Variants in SAMD7 observed in about 807,000 individuals in gnomAD.
SAMD7 encodes the protein sterile alpha motif domain-containing protein 7.
A neutral mutation model predicts 36.7 loss-of-function variants in SAMD7; 34 were observed. The observed-to-expected ratio is 0.93, with a 90% CI of 0.71 to 1.23. The LOEUF (loss-of-function observed/expected upper bound fraction) is 1.23, where lower values mean the gene tolerates loss of function less well. Ranked by LOEUF, SAMD7 falls within the 50% of genes most tolerant of loss-of-function variation. The pLI is 0.00. For missense variants in SAMD7, 570 were observed against 546.6 expected, an observed-to-expected ratio of 1.04 and a Z score of -0.43; for synonymous variants, 188 against 189.7, an observed-to-expected ratio of 0.99 and a Z score of 0.07.
chr3:169,918,163 C>T lies in SAMD7; in HGVS notation c.-41-1295C>T, dbSNP rs576989169. On this transcript the variant is annotated intron_variant, in intron 2 of 8. Transcript: ENST00000335556. Reference sequence around the variant, plus strand: ...ATGTTGGCCAGGTTCGTCTTGAACTCCTGACCTCAAACGATCCGCCTGCCT... The same window carrying T: ...ATGTTGGCCAGGTTCGTCTTGAACTTCTGACCTCAAACGATCCGCCTGCCT... Among the ~76,000 whole-genome samples the T allele has an allele frequency of 2.6e-4, 39 of 152,130 alleles. 1 individual carries two copies. The highest frequency in any genetic ancestry group is 2.5e-3 in the South Asian group (12 of 4,818).
chr3:169,927,844 C>A (rs952770938), intron 6 of SAMD7, among the ~76,000 whole-genome samples: 1 of 152,134 alleles, frequency 6.6e-6, no homozygotes, highest in Non-Finnish European at 1.5e-5. Context: ...AGTGTGAATT[C>A]TATCTCCCTG....
At chr3:169,930,516 G>A (rs1339666253) in intron 7 of SAMD7, among the ~76,000 whole-genome samples, 1 of 151,686 alleles carries the variant, frequency 6.6e-6, no homozygotes, top group African/African-American at 2.4e-5. Context: ...ACTCTCACAA[G>A]GACGCTTGTC....
chr3:169,936,704 A>G (rs192880180), intron 8 of SAMD7, among the ~76,000 whole-genome samples: 1 of 152,302 alleles, frequency 6.6e-6, no homozygotes, highest in East Asian at 1.9e-4. Flanking sequence ...TCTCTTTGAA[A>G]AAAAATGAGC....
intron 4 of SAMD7, among the ~76,000 whole-genome samples, chr3:169,922,685 A>G (rs1417414543): frequency 6.6e-6 from 1 of 152,078 alleles, no homozygotes; most frequent in Non-Finnish European, 1.5e-5. Flanking sequence ...TTATTAGTAG[A>G]GACAGAGTTT....
chr3:169,919,427 T>G, intron 2 of SAMD7, 31 bp from the exon 3 acceptor site: 1 of 1,139,112 alleles, frequency 8.8e-7, no homozygotes, highest in Non-Finnish European at 1.3e-6. Context: ...AGTAGAGTTA[T>G]TTGTTAAAGT....
chr3:169,915,893 T>A (rs2108254540), intron 2 of SAMD7, among the ~76,000 whole-genome samples: 2 of 152,182 alleles, frequency 1.3e-5, no homozygotes, highest in South Asian at 4.1e-4. Context: ...CCTATATTTT[T>A]AAAAATACCC....
At position 169,936,348 on chromosome 3, in the gene SAMD7, G is replaced by C; in HGVS notation, c.1051G>C (p.Asp351His). The change falls in exon 8 of 9, where the codon GAT (aspartate) becomes CAT (histidine). Residue 351 changes from aspartate to histidine, a missense_variant. By Grantham distance (81) the Asp-to-His change is moderately conservative (BLOSUM62 -1). Coordinates refer to ENST00000335556, the MANE Select transcript of SAMD7 (RefSeq NM_001304366.2). ...TTTTGTATTTATGAAGGTATTTAAA[G>C]ATCATGCAATTGATGGAGAAACTTT... ...GCSDYAQVFK[D>H]HAIDGETLPL... 6.2e-7 allele frequency: 1 copy of C among 1,601,124 alleles called. No homozygotes were observed. The highest frequency in any genetic ancestry group is 8.6e-7 in the Non-Finnish European group (1 of 1,168,556).
At chr3:169,927,272 TC>T in intron 6 of SAMD7, 91 bp downstream of exon 6, 1 of 471,156 alleles carries the variant, frequency 2.1e-6, no homozygotes, top group Non-Finnish European at 3.5e-6. Context: ...CCATCCTGCC[TC>T]TTTTTATCTT....
chr3:169,926,785 G>C lies in SAMD7; in HGVS notation c.523G>C (p.Glu175Gln), dbSNP rs1237541307. 1 of 1,613,954 alleles carries C rather than the reference G, an allele frequency of 6.2e-7. No homozygotes were observed. The highest frequency in any genetic ancestry group is 1.1e-5 in the South Asian group (1 of 91,054). Residue 175 changes from glutamate to glutamine, a missense_variant, in exon 6 of 9, where the codon GAG (glutamate) becomes CAG (glutamine). Glu to Gln is a conservative substitution (Grantham distance 29, BLOSUM62 2). Transcript: ENST00000335556. ...MLAATAPHFE[E>Q]SWGQRCRRLR... Reference sequence around the variant, plus strand: ...AGCGGCAACTGCACCACACTTTGAGGAGAGCTGGGGGCAGAGATGTCGTCG... The same window carrying C: ...AGCGGCAACTGCACCACACTTTGAGCAGAGCTGGGGGCAGAGATGTCGTCG...
rs563817456 is a variant in SAMD7 at position 169,938,152 on chromosome 3, G to C, written c.1153-166G>C. ...ACATCTGTAAACACTATAATTCTGAGAGAAAGAAAAAGCCCACCACATCCT... is the reference window on the plus strand; with the variant it reads ...ACATCTGTAAACACTATAATTCTGACAGAAAGAAAAAGCCCACCACATCCT... On this transcript the variant is annotated intron_variant, in intron 8 of 8. Transcript: ENST00000335556. Among the ~76,000 whole-genome samples the C allele has an allele frequency of 6.6e-5, 10 of 152,186 alleles. 1 individual carries two copies. The highest frequency in any genetic ancestry group is 2.2e-4 in the African/African-American group (9 of 41,510).
intron 4 of SAMD7, among the ~76,000 whole-genome samples, chr3:169,923,531 C>T (rs1236993807): frequency 3.3e-5 from 5 of 152,204 alleles, no homozygotes; most frequent in African/African-American, 1.2e-4. Context: ...ATCACGAGGT[C>T]AGAAGTTCGA....
rs753147389 is a variant in SAMD7 at position 169,938,595 on chromosome 3, A to G, written c.*89A>G. On this transcript the variant is annotated 3_prime_UTR_variant, in exon 9 of 9. Coordinates refer to ENST00000335556, the MANE Select transcript of SAMD7 (RefSeq NM_001304366.2). ...ATGTGTGAGGATTTCCCAGTACTGG[A>G]TGGAGAATGAGAAGAGAAAGTCAGC... 5.6e-4 allele frequency: 462 copies of G among 820,058 alleles called. 1 individual carries two copies. Among genetic ancestry groups the G allele is most frequent in the Admixed American group, 7.8e-4 (26 of 33,198 alleles). 50.8% of individuals were successfully genotyped at this position (820,058 alleles called of 1,614,324 possible).
At chr3:169,938,028 A>G (rs1410613361) in intron 8 of SAMD7, among the ~76,000 whole-genome samples, 1 of 152,136 alleles carries the variant, frequency 6.6e-6, no homozygotes, top group Non-Finnish European at 1.5e-5. Context: ...ACATGCCACC[A>G]CCATTACCGT....
Position 169,921,262 on chromosome 3 carries a change from C to T in SAMD7, c.135C>T (p.Cys45=), listed in dbSNP as rs61420799. The change falls in exon 4 of 9, where the codon TGC becomes TGT. Residue 45 remains cysteine (C), a synonymous_variant. Coordinates refer to ENST00000335556, the MANE Select transcript of SAMD7 (RefSeq NM_001304366.2). ...TVAPTDPRQF[C]VPSQFGSSVL... is the part of the protein sequence containing the mutation. ...CTCCAACTGACCCAAGACAGTTTTG[C>T]GTTCCTTCCCAATTTGGATCCTCTG... The T allele has an allele frequency of 0.032, 51,571 of 1,613,544 alleles. 1,507 individuals carry two copies. The highest frequency in any genetic ancestry group is 0.14 in the Admixed American group (8,347 of 60,006).
At chr3:169,918,344 T>A (rs1323580779) in intron 2 of SAMD7, among the ~76,000 whole-genome samples, 2 of 152,174 alleles carry the variant, frequency 1.3e-5, no homozygotes, top group Non-Finnish European at 2.9e-5. Context: ...TATATTTTTG[T>A]ACCCATTAAC....
intron 7 of SAMD7, among the ~76,000 whole-genome samples, chr3:169,930,620 C>T (rs146320749): frequency 0.02 from 2,592 of 132,078 alleles, 67 homozygotes; most frequent in African/African-American, 0.07. Flanking sequence ...CTTGCTCTGT[C>T]GCCCAGGCTG....
At chr3:169,927,644 A>G (rs1263802597) in intron 6 of SAMD7, among the ~76,000 whole-genome samples, 32 of 151,882 alleles carry the variant, frequency 2.1e-4, no homozygotes. Flanking sequence ...TCTTAGCATC[A>G]TTTTATTCTA....
Position 169,928,446 on chromosome 3 carries a change from C to T in SAMD7, c.920-11C>T. 1 of 1,607,364 alleles carries T rather than the reference C, an allele frequency of 6.2e-7. No individual in the cohort carries two copies. The highest frequency in any genetic ancestry group is 2.2e-5 in the East Asian group (1 of 44,838). On this transcript the variant is annotated splice_polypyrimidine_tract_variant and intron_variant, in intron 6 of 8. Transcript: ENST00000335556. ...ATGTATTTTATGCCACAATTTCTTT[C>T]CATTTTAAAGGAACACATGCACTGG...
At chr3:169,930,769 G>A (rs977467184) in intron 7 of SAMD7, among the ~76,000 whole-genome samples, 3 of 151,846 alleles carry the variant, frequency 2.0e-5, no homozygotes, top group Non-Finnish European at 2.9e-5. Flanking sequence ...TTTTAGTAAA[G>A]ACAGGGTTTC....
Sources: allele counts gnomAD v4.1 joint callset (sites outside exome capture counted in the v4.1 genomes callset), GRCh38; gene constraint gnomAD v4.1.1; transcripts MANE v1.5; gene names NCBI Gene and HGNC (gene_info 2026-07-23, HGNC 2026-07-21).